The following SYN3 variants were observed in gnomAD, a reference collection of about 807,000 sequenced individuals.
SYN3 encodes synapsin-3.
A neutral mutation model predicts 65.8 loss-of-function variants in SYN3; 35 were observed. The observed-to-expected ratio is 0.53, with a 90% CI of 0.41 to 0.70. SYN3 has a LOEUF of 0.70. Ranked by LOEUF, SYN3 falls within the 30% of genes least tolerant of loss-of-function variation. SYN3 has a pLI of 0.00. For synonymous variants in SYN3, 270 were observed against 292.9 expected, an observed-to-expected ratio of 0.92 and a Z score of 0.80; for missense variants, 680 against 749.0, an observed-to-expected ratio of 0.91 and a Z score of 1.08.
At chr22:32,614,438 T>C (rs1195538031) in intron 6 of SYN3, among the ~76,000 whole-genome samples, 1 of 152,162 alleles carries the variant, frequency 6.6e-6, no homozygotes, top group Non-Finnish European at 1.5e-5. Context: ...AGTGGAGGGA[T>C]TTGATGGTCC....
chr22:32,981,865 A>G (rs914105333), intron 2 of SYN3, among the ~76,000 whole-genome samples: 7 of 152,268 alleles, frequency 4.6e-5, no homozygotes, highest in Non-Finnish European at 1.0e-4. Context: ...TTATCTTCAC[A>G]TATATGTTAA....
intron 6 of SYN3, among the ~76,000 whole-genome samples, chr22:32,681,123 G>A (rs1601903100): frequency 1.3e-5 from 2 of 152,108 alleles, no homozygotes. Context: ...AGTGAGGGAG[G>A]AGAGAGTATG....
chr22:32,575,679 C>G (rs2058840910), intron 7 of SYN3, among the ~76,000 whole-genome samples: 1 of 152,186 alleles, frequency 6.6e-6, no homozygotes, highest in Non-Finnish European at 1.5e-5. Context: ...ACAGCACTCA[C>G]TTTTAGGACA....
At chr22:32,722,630 G>A (rs1429730897) in intron 6 of SYN3, among the ~76,000 whole-genome samples, 1 of 152,196 alleles carries the variant, frequency 6.6e-6, no homozygotes, top group Non-Finnish European at 1.5e-5. Context: ...AGTTTCCCAC[G>A]GGGCTCCACC....
chr22:32,599,602 T>A (rs1185139551), intron 6 of SYN3, among the ~76,000 whole-genome samples: 3 of 152,152 alleles, frequency 2.0e-5, no homozygotes, highest in Non-Finnish European at 4.4e-5. Context: ...ATTACAGGTG[T>A]GAGCCACTGC....
chr22:32,585,240 A>G (rs1164904231), intron 7 of SYN3, among the ~76,000 whole-genome samples: 3 of 152,196 alleles, frequency 2.0e-5, no homozygotes, highest in Admixed American at 6.5e-5. Flanking sequence ...GAGCTATCCC[A>G]GAGAAGCAGA....
chr22:32,976,996 G>GC (rs1220093521), intron 3 of SYN3, among the ~76,000 whole-genome samples: 2 of 79,040 alleles, frequency 2.5e-5, no homozygotes, highest in Non-Finnish European at 5.6e-5. Flanking sequence ...GAGATTCCTG[G>GC]GGGGGGGGTT....
intron 7 of SYN3, among the ~76,000 whole-genome samples, chr22:32,574,561 A>G (rs1413030174): frequency 6.6e-6 from 1 of 152,190 alleles, no homozygotes; most frequent in African/African-American, 2.4e-5. Flanking sequence ...ACATGCACCT[A>G]CAGGGGCTAA....
Position 32,841,344 on chromosome 22 carries a change from C to T in SYN3, c.711+23571G>A, listed in dbSNP as rs558079155. Among the ~76,000 whole-genome samples the T allele has an allele frequency of 1.3e-4, 20 of 152,184 alleles. No homozygotes were observed. The East Asian group carries it at 2.7e-3, about 21-fold the overall frequency. ...CACAGTGTCAGGGGCCAAGGGATTG[C>T]GAGGAGGGGGAGGAATGTGCATGGA... is the stretch of plus-strand genomic sequence containing the variant. On this transcript the variant is annotated intron_variant, in intron 6 of 13. Coordinates refer to ENST00000358763, the MANE Select transcript of SYN3 (RefSeq NM_003490.4).
intron 6 of SYN3, among the ~76,000 whole-genome samples, chr22:32,767,031 A>G (rs751493909): frequency 6.6e-6 from 1 of 152,140 alleles, no homozygotes; most frequent in Non-Finnish European, 1.5e-5. Flanking sequence ...CTCCCTTCCA[A>G]ATCCAAATCA....
At chr22:32,764,737 T>C (rs2045578324) in intron 6 of SYN3, among the ~76,000 whole-genome samples, 1 of 152,148 alleles carries the variant, frequency 6.6e-6, no homozygotes, top group Admixed American at 6.5e-5. Context: ...AAATTCTATC[T>C]CCTGACTGGA....
At chr22:32,780,068 C>CAAAAAAAACAAAAA (rs2045998154) in intron 6 of SYN3, among the ~76,000 whole-genome samples, 1 of 72,598 alleles carries the variant, frequency 1.4e-5, no homozygotes, top group African/African-American at 6.5e-5. Flanking sequence ...GATTCTGTCT[C>CAAAAAAAACAAAAA]AAAAAAAAAA....
chr22:32,950,534 A>T (rs1438011414), intron 3 of SYN3, among the ~76,000 whole-genome samples: 2 of 152,240 alleles, frequency 1.3e-5, no homozygotes, highest in Non-Finnish European at 2.9e-5. Context: ...CCAATCTATG[A>T]GTTGGCAGCC....
intron 6 of SYN3, among the ~76,000 whole-genome samples, chr22:32,608,352 G>C (rs893018751): frequency 5.3e-5 from 8 of 152,238 alleles, no homozygotes; most frequent in Non-Finnish European, 8.8e-5. Context: ...TTACAGGTGT[G>C]AGCCACCATG....
chr22:32,625,415 C>T (rs1011036523), intron 6 of SYN3, among the ~76,000 whole-genome samples: 2 of 152,184 alleles, frequency 1.3e-5, no homozygotes, highest in African/African-American at 4.8e-5. Context: ...TCACCAACCA[C>T]CCCTTTCTCC....
chr22:32,670,967 A>G (rs1369901980), intron 6 of SYN3, among the ~76,000 whole-genome samples: 1 of 152,194 alleles, frequency 6.6e-6, no homozygotes, highest in African/African-American at 2.4e-5. Context: ...GAGCAATTCT[A>G]TTGACAACGG....
chr22:32,800,519 G>A (rs577481262), intron 6 of SYN3, among the ~76,000 whole-genome samples: 9 of 152,140 alleles, frequency 5.9e-5, no homozygotes, highest in Admixed American at 4.6e-4. Flanking sequence ...GCTATAATAC[G>A]GTGAGATACA....
intron 3 of SYN3, among the ~76,000 whole-genome samples, chr22:32,974,998 A>G (rs1481538895): frequency 6.6e-6 from 1 of 152,176 alleles, no homozygotes; most frequent in African/African-American, 2.4e-5. Context: ...CTTAACCCCT[A>G]CACCGCATTT....
intron 1 of SYN3, among the ~76,000 whole-genome samples, chr22:33,027,238 A>G (rs990326367): frequency 3.3e-5 from 5 of 152,152 alleles, no homozygotes; most frequent in African/African-American, 1.2e-4. Flanking sequence ...TGACGTATAT[A>G]TTCTAATTCA....
Sources: allele counts gnomAD v4.1 joint callset (sites outside exome capture counted in the v4.1 genomes callset), GRCh38; gene constraint gnomAD v4.1.1; transcripts MANE v1.5; gene names NCBI Gene and HGNC (gene_info 2026-07-23, HGNC 2026-07-21).